Variants in CNTNAP2 observed in about 807,000 individuals in gnomAD.
CNTNAP2 encodes contactin associated protein 2.
Under a neutral mutation model 155.2 loss-of-function variants are expected in CNTNAP2, and 98 were observed. That is an observed-to-expected ratio of 0.63 (90% CI 0.54 to 0.75). The LOEUF is 0.75. CNTNAP2 is among the 30% of genes least tolerant of loss of function. CNTNAP2 has a pLI of 0.00. For synonymous variants in CNTNAP2, 651 were observed against 631.2 expected, an observed-to-expected ratio of 1.03 and a Z score of -0.47; for missense variants, 1,727 against 1,688.1, an observed-to-expected ratio of 1.02 and a Z score of -0.40.
rs1273052464 is a variant in CNTNAP2 at position 147,667,736 on chromosome 7, C to T, written c.2098+28430C>T. Among the ~76,000 whole-genome samples the T allele has an allele frequency of 2.6e-5, 4 of 151,210 alleles. No individual in the cohort carries two copies. The East Asian group carries it at 7.7e-4, about 29-fold the overall frequency. On this transcript the variant is annotated intron_variant, in intron 13 of 23. Coordinates refer to ENST00000361727, the MANE Select transcript of CNTNAP2 (RefSeq NM_014141.6). The stretch of plus-strand genomic sequence containing the variant: ...CTTTGATTCAACCATTGCATCAAGG[C>T]ATTAAAGCACTTTTTAAGGCCTATT...
At position 146,608,415 on chromosome 7, in the gene CNTNAP2, A is replaced by G. The variant is rs531036143; in HGVS notation, c.98-165856A>G. On this transcript the variant is annotated intron_variant, in intron 1 of 23. Coordinates refer to ENST00000361727, the MANE Select transcript of CNTNAP2 (RefSeq NM_014141.6). ...GAATAAACAAGTTTAATTCTCTTCTATAGAATGAAAATATGTGTGAGTAAG... is the reference window on the plus strand; with the variant it reads ...GAATAAACAAGTTTAATTCTCTTCTGTAGAATGAAAATATGTGTGAGTAAG... Among the ~76,000 whole-genome samples the G allele has an allele frequency of 5.3e-5, 8 of 152,316 alleles. No individual in the cohort carries two copies. The South Asian group carries it at 1.5e-3, about 28-fold the overall frequency.
At chr7:146,580,861 T>A (rs1012116510) in intron 1 of CNTNAP2, among the ~76,000 whole-genome samples, 1 of 152,218 alleles carries the variant, frequency 6.6e-6, no homozygotes, top group African/African-American at 2.4e-5. Context: ...GGGTAGTTAA[T>A]AAATGCTGAA....
chr7:147,563,049 T>C (rs995140254), intron 12 of CNTNAP2, among the ~76,000 whole-genome samples: 4 of 152,196 alleles, frequency 2.6e-5, no homozygotes, highest in African/African-American at 9.6e-5. Context: ...CTGTTTACCA[T>C]CTGTCAAGTA....
At chr7:147,892,801 T>C (rs1478538018) in intron 13 of CNTNAP2, among the ~76,000 whole-genome samples, 1 of 152,206 alleles carries the variant, frequency 6.6e-6, no homozygotes, top group East Asian at 1.9e-4. Context: ...GAACTTCAAT[T>C]CTACATTTCT....
intron 3 of CNTNAP2, among the ~76,000 whole-genome samples, chr7:146,999,397 T>A (rs962322791): frequency 6.6e-6 from 1 of 152,042 alleles, no homozygotes; most frequent in African/African-American, 2.4e-5. Flanking sequence ...TTAATAATTT[T>A]GTGTCTTAAC....
chr7:147,650,771 C>T, intron 13 of CNTNAP2, among the ~76,000 whole-genome samples: 1 of 151,936 alleles, frequency 6.6e-6, no homozygotes, highest in East Asian at 1.9e-4. Context: ...GGTTGGTGCC[C>T]CAACCCCTGA....
At chr7:147,504,179 A>G (rs1798866179) in intron 11 of CNTNAP2, among the ~76,000 whole-genome samples, 1 of 152,098 alleles carries the variant, frequency 6.6e-6, no homozygotes, top group African/African-American at 2.4e-5. Flanking sequence ...TTCTATTGGC[A>G]GCTCTAGTAG....
At chr7:147,033,498 A>AT (rs931948841) in intron 3 of CNTNAP2, among the ~76,000 whole-genome samples, 124 of 151,502 alleles carry the variant, frequency 8.2e-4, no homozygotes, top group African/African-American at 2.8e-3. Context: ...AGCATGCTCT[A>AT]TTTTTTTTCC....
At chr7:146,936,014 T>C in intron 3 of CNTNAP2, among the ~76,000 whole-genome samples, 1 of 152,242 alleles carries the variant, frequency 6.6e-6, no homozygotes, top group African/African-American at 2.4e-5. Flanking sequence ...TAGTCTCTCT[T>C]CAACAGAAAT....
chr7:148,413,299 G>A (rs1409254280), intron 23 of CNTNAP2, among the ~76,000 whole-genome samples: 1 of 149,290 alleles, frequency 6.7e-6, no homozygotes, highest in Non-Finnish European at 1.5e-5. Context: ...GGCTGAGACA[G>A]GAGAATTGCT....
rs1803954405 is a variant in CNTNAP2, at chr7:148,095,869, A to G, written c.2384-22249A>G. Among the ~76,000 whole-genome samples, 4 of 152,178 alleles carry G rather than the reference A, an allele frequency of 2.6e-5. 1 individual carries two copies. In the South Asian group the frequency reaches 8.3e-4, roughly 31 times the overall value. On this transcript the variant is annotated intron_variant, in intron 15 of 23. Coordinates refer to ENST00000361727, the MANE Select transcript of CNTNAP2 (RefSeq NM_014141.6). ...CTCCCCTCCTGCCCAGAATTTTCTAATACACAGTGGAATGCTTTATTGCTC... is the reference window on the plus strand; with the variant it reads ...CTCCCCTCCTGCCCAGAATTTTCTAGTACACAGTGGAATGCTTTATTGCTC...
intron 3 of CNTNAP2, among the ~76,000 whole-genome samples, chr7:146,951,775 G>A (rs200462602): frequency 6.6e-5 from 10 of 151,906 alleles, no homozygotes; most frequent in Admixed American, 3.9e-4. Flanking sequence ...TTGACTATAC[G>A]GGCTCTTTTT....
At chr7:147,241,015 T>C (rs1445656939) in intron 8 of CNTNAP2, among the ~76,000 whole-genome samples, 1 of 152,220 alleles carries the variant, frequency 6.6e-6, no homozygotes, top group African/African-American at 2.4e-5. Flanking sequence ...TATGGTTGAA[T>C]AAACATCATA....
chr7:146,574,634 G>T (rs1439175220), intron 1 of CNTNAP2, among the ~76,000 whole-genome samples: 1 of 152,156 alleles, frequency 6.6e-6, no homozygotes, highest in Non-Finnish European at 1.5e-5. Flanking sequence ...CTGGGAGGCG[G>T]AGGTTGCTGT....
chr7:146,842,778 C>T (rs889379349), intron 3 of CNTNAP2, among the ~76,000 whole-genome samples: 8 of 151,972 alleles, frequency 5.3e-5, no homozygotes, highest in Admixed American at 2.0e-4. Context: ...CTCCGCCTCC[C>T]GGTTTCACGC....
chr7:147,099,964 T>C (rs1800621417), intron 4 of CNTNAP2, among the ~76,000 whole-genome samples: 1 of 152,234 alleles, frequency 6.6e-6, no homozygotes, highest in Admixed American at 6.5e-5. Flanking sequence ...TTCCTACAAA[T>C]AGATTATATG....
At chr7:147,753,475 C>T (rs757016330) in intron 13 of CNTNAP2, among the ~76,000 whole-genome samples, 3 of 152,040 alleles carry the variant, frequency 2.0e-5, no homozygotes, top group South Asian at 2.1e-4. Context: ...CACCACAACT[C>T]GATTATGATG....
At chr7:147,321,641 G>T (rs755472347) in intron 9 of CNTNAP2, among the ~76,000 whole-genome samples, 6 of 152,102 alleles carry the variant, frequency 3.9e-5, no homozygotes, top group Admixed American at 6.5e-5. Context: ...GTGCCAGTGC[G>T]CAAGAGCACT....
At chr7:146,765,359 C>G (rs1162914146) in intron 1 of CNTNAP2, among the ~76,000 whole-genome samples, 1 of 152,076 alleles carries the variant, frequency 6.6e-6, no homozygotes, top group African/African-American at 2.4e-5. Context: ...GGGATGAAGC[C>G]ATTTCTCTTT....
Sources: allele counts gnomAD v4.1 joint callset (sites outside exome capture counted in the v4.1 genomes callset), GRCh38; gene constraint gnomAD v4.1.1; transcripts MANE v1.5; gene names NCBI Gene and HGNC (gene_info 2026-07-23, HGNC 2026-07-21).